The following LIPC variants were observed in gnomAD, a reference collection of about 807,000 sequenced individuals.
LIPC encodes hepatic triacylglycerol lipase.
LIPC carries 44 observed loss-of-function variants against 50.7 expected under a neutral mutation model. The observed-to-expected ratio is 0.87, with a 90% CI of 0.68 to 1.11. The LOEUF is 1.11. Ranked by LOEUF, LIPC falls within the 50% of genes most tolerant of loss-of-function variation. The pLI is 0.00. For missense variants in LIPC, 697 were observed against 648.2 expected (o/e 1.08, Z -0.82); for synonymous variants, 271 against 256.4 (o/e 1.06, Z -0.54).
At chr15:58,565,463 C>T (rs1894334749) in intron 8 of LIPC, 8 of 1,409,684 alleles carry the variant, frequency 5.7e-6, no homozygotes, top group Middle Eastern at 2.6e-4. Flanking sequence ...GGGGCCTGGC[C>T]CTTCCAGGGC....
At chr15:58,456,770 C>T (rs1161984386) in intron 1 of LIPC, among the ~76,000 whole-genome samples, 1 of 152,222 alleles carries the variant, frequency 6.6e-6, no homozygotes, top group Non-Finnish European at 1.5e-5. Context: ...TTGGGGAAAA[C>T]GAGAGGTCCT....
At chr15:58,438,095 C>T (rs1893369714) in intron 1 of LIPC, among the ~76,000 whole-genome samples, 1 of 152,152 alleles carries the variant, frequency 6.6e-6, no homozygotes, top group Admixed American at 6.5e-5. Context: ...ACATGAATCG[C>T]CAAATGAGTG....
At chr15:58,523,922 C>T (rs1289324396) in intron 1 of LIPC, among the ~76,000 whole-genome samples, 1 of 152,144 alleles carries the variant, frequency 6.6e-6, no homozygotes, top group Non-Finnish European at 1.5e-5. Flanking sequence ...AGAGCCAGAA[C>T]TTGTCTCTAA....
intron 1 of LIPC, among the ~76,000 whole-genome samples, chr15:58,534,335 C>T (rs1420275624): frequency 6.6e-6 from 1 of 152,080 alleles, no homozygotes; most frequent in Admixed American, 6.5e-5. Flanking sequence ...CCTTAGGATG[C>T]CCAAGTGTCC....
chr15:58,486,493 G>T (rs560113358), intron 1 of LIPC, among the ~76,000 whole-genome samples: 17 of 152,322 alleles, frequency 1.1e-4, no homozygotes, highest in Admixed American at 7.8e-4. Context: ...AAGTAGTTAT[G>T]ACCCTCTGAG....
At chr15:58,542,070 A>G (rs1893350720) in intron 3 of LIPC, 103 bp downstream of exon 3, 1 of 1,287,016 alleles carries the variant, frequency 7.8e-7, no homozygotes, top group African/African-American at 1.5e-5. Flanking sequence ...AGGCAGGAGA[A>G]GCACTAATGC....
intron 1 of LIPC, among the ~76,000 whole-genome samples, chr15:58,498,886 G>C (rs1367744613): frequency 2.0e-5 from 3 of 152,226 alleles, no homozygotes; most frequent in Admixed American, 6.5e-5. Context: ...GTGCGTGCTT[G>C]GAAGAGATAC....
chr15:58,448,860 A>G (rs1893796846), intron 1 of LIPC, among the ~76,000 whole-genome samples: 1 of 152,216 alleles, frequency 6.6e-6, no homozygotes, highest in African/African-American at 2.4e-5. Flanking sequence ...ACCTTTTTCA[A>G]ATGACAGAAC....
In LIPC at chr15:58,560,715, C is replaced by T. The variant is rs33931419; in HGVS notation, c.1052-149C>T. ...AAGGAAAAACAAGAAGATAAACCAC[C>T]ATTTAGGAGCAAAAAAATGTTGTTA... On this transcript the variant is annotated intron_variant, in intron 6 of 8. Coordinates refer to ENST00000299022, the MANE Select transcript of LIPC (RefSeq NM_000236.3). 5.1e-6 allele frequency: 3 copies of T among 592,088 alleles called. No individual in the cohort carries two copies. In the Admixed American group the frequency reaches 8.7e-5, roughly 17 times the overall value. The allele number at this position is 592,088 out of a possible 1,614,324, so 36.7% of individuals were successfully genotyped here. A position where few individuals can be genotyped will look rare whatever the true frequency, so the allele number is the denominator to read the frequency against.
chr15:58,565,968 C>T (rs1894352387), intron 8 of LIPC: 2 of 983,946 alleles, frequency 2.0e-6, no homozygotes, highest in Admixed American at 1.2e-4. Context: ...AACTCCAGGA[C>T]CTAACCAGGA....
chr15:58,551,404 A>T (rs1893752920), intron 6 of LIPC, among the ~76,000 whole-genome samples: 1 of 152,178 alleles, frequency 6.6e-6, no homozygotes, highest in Admixed American at 6.5e-5. Context: ...GGCTATTTAA[A>T]TCCAAATCTA....
intron 1 of LIPC, among the ~76,000 whole-genome samples, chr15:58,459,058 T>A (rs539703023): frequency 8.5e-5 from 13 of 152,302 alleles, no homozygotes; most frequent in African/African-American, 3.1e-4. Context: ...ATAGGTGCAA[T>A]ACATTCCAAG....
chr15:58,454,816 A>T (rs1282467407), intron 1 of LIPC: 2 of 152,256 alleles, frequency 1.3e-5, no homozygotes, highest in Non-Finnish European at 2.9e-5. Context: ...CCCAGGGAAG[A>T]TGAAAGCCCT....
At chr15:58,514,978 G>A (rs1892440680) in intron 1 of LIPC, among the ~76,000 whole-genome samples, 1 of 152,188 alleles carries the variant, frequency 6.6e-6, no homozygotes, top group South Asian at 2.1e-4. Context: ...TGTTTCTTCT[G>A]GAGACTCTGA....
intron 1 of LIPC, among the ~76,000 whole-genome samples, chr15:58,434,025 G>A (rs1893207849): frequency 6.6e-6 from 1 of 152,210 alleles, no homozygotes; most frequent in Non-Finnish European, 1.5e-5. Flanking sequence ...CTCAACAGGG[G>A]CAATTTTGCC....
chr15:58,518,238 T>G (rs1892542076), intron 1 of LIPC, among the ~76,000 whole-genome samples: 1 of 152,222 alleles, frequency 6.6e-6, no homozygotes, highest in African/African-American at 2.4e-5. Context: ...TTGCCATGTT[T>G]CCAAATGCCC....
In LIPC at chr15:58,525,123, T is replaced by TA. The variant is rs145093300; in HGVS notation, c.89-13208dup. Among the ~76,000 whole-genome samples the TA allele has an allele frequency of 5.5e-3, 833 of 152,332 alleles. 6 individuals carry two copies. The highest frequency in any genetic ancestry group is 0.019 in the African/African-American group (778 of 41,572). On this transcript the variant is annotated intron_variant, in intron 1 of 8. Transcript: ENST00000299022. ...TGATGAGAGGTATGGACCAAACTTATAACTTTTCATCTTTTTCCAGATCTC... is the reference window on the plus strand; with the variant it reads ...TGATGAGAGGTATGGACCAAACTTATAAACTTTTCATCTTTTTCCAGATCTC...
intron 6 of LIPC, among the ~76,000 whole-genome samples, chr15:58,553,912 T>C (rs1893843515): frequency 6.6e-6 from 1 of 151,794 alleles, no homozygotes; most frequent in Admixed American, 6.6e-5. Flanking sequence ...GCATTTCGGG[T>C]CTAGGAACAA....
Position 58,548,397 on chromosome 15 carries a change from C to A in LIPC, c.876C>A (p.His292Gln). Residue 292 changes from histidine to glutamine, a missense_variant, in exon 6 of 9, where the codon CAC (histidine) becomes CAA (glutamine). His to Gln is a conservative substitution (Grantham distance 24). Transcript: ENST00000299022. ...ACCTTTTCATCGACTCCTTGCTGCA[C>A]GCCGGCACGCAGAGCATGGCCTACC... ...SVHLFIDSLLHAGTQSMAYPC... is the reference protein window; with the variant it reads ...SVHLFIDSLLQAGTQSMAYPC... The A allele has an allele frequency of 6.2e-7, 1 of 1,614,152 alleles. No individual in the cohort carries two copies. The highest frequency in any genetic ancestry group is 8.5e-7 in the Non-Finnish European group (1 of 1,180,030).
Sources: allele counts gnomAD v4.1 joint callset (sites outside exome capture counted in the v4.1 genomes callset), GRCh38; gene constraint gnomAD v4.1.1; transcripts MANE v1.5; gene names NCBI Gene and HGNC (gene_info 2026-07-23, HGNC 2026-07-21).